SLC2A13: variants seen among roughly 807,000 people sequenced by gnomAD.
SLC2A13 encodes proton myo-inositol cotransporter.
A neutral mutation model predicts 64.4 loss-of-function variants in SLC2A13; 32 were observed. The ratio of observed to expected loss-of-function variants is 0.50; its 90% CI spans 0.37 to 0.67. The LOEUF (loss-of-function observed/expected upper bound fraction) is 0.67. Ranked by LOEUF, SLC2A13 falls within the 30% of genes least tolerant of loss-of-function variation. The pLI, the probability that SLC2A13 is intolerant of heterozygous loss-of-function variation, is 0.00. For synonymous variants in SLC2A13, 338 were observed against 327.1 expected, an observed-to-expected ratio of 1.03 and a Z score of -0.36; for missense variants, 743 against 829.2, an observed-to-expected ratio of 0.90 and a Z score of 1.28.
At chr12:39,824,580 G>C (rs1241772642) in intron 7 of SLC2A13, among the ~76,000 whole-genome samples, 1 of 152,174 alleles carries the variant, frequency 6.6e-6, no homozygotes, top group Non-Finnish European at 1.5e-5. Flanking sequence ...GTTTGTAAGA[G>C]TTGCATCTGT....
chr12:39,838,952 A>G (rs1252129264), intron 6 of SLC2A13, among the ~76,000 whole-genome samples: 5 of 152,090 alleles, frequency 3.3e-5, no homozygotes, highest in Admixed American at 6.6e-5. Flanking sequence ...CAGAAAATCA[A>G]TGGTGGCAAA....
intron 6 of SLC2A13, among the ~76,000 whole-genome samples, chr12:39,861,395 C>T (rs182730556): frequency 1.5e-4 from 23 of 152,188 alleles, no homozygotes; most frequent in Admixed American, 1.2e-3. Context: ...AAGATAAAAA[C>T]CCTAGGGCAA....
At chr12:40,085,411 G>A (rs1161085900) in intron 1 of SLC2A13, among the ~76,000 whole-genome samples, 2 of 152,152 alleles carry the variant, frequency 1.3e-5, no homozygotes, top group African/African-American at 2.4e-5. Flanking sequence ...GGTGGTGGCA[G>A]GTCTTGAGGA....
chr12:40,075,848 TAA>T (rs1267861550), intron 1 of SLC2A13, among the ~76,000 whole-genome samples: 1 of 152,184 alleles, frequency 6.6e-6, no homozygotes, highest in African/African-American at 2.4e-5. Flanking sequence ...TTATCTGTCT[TAA>T]GTTCACTCAC....
intron 3 of SLC2A13, among the ~76,000 whole-genome samples, chr12:40,021,813 T>C (rs1333732671): frequency 2.6e-5 from 4 of 152,224 alleles, no homozygotes. Flanking sequence ...GTGCAGCAGA[T>C]GTCAATTGCA....
intron 4 of SLC2A13, among the ~76,000 whole-genome samples, chr12:39,945,480 A>T (rs1946117485): frequency 6.6e-6 from 1 of 152,080 alleles, no homozygotes; most frequent in Non-Finnish European, 1.5e-5. Flanking sequence ...CTTCTCAGCT[A>T]TGCCGATTAT....
chr12:40,050,494 A>G (rs1948237845), intron 1 of SLC2A13, among the ~76,000 whole-genome samples: 1 of 152,214 alleles, frequency 6.6e-6, no homozygotes, highest in Non-Finnish European at 1.5e-5. Context: ...TTGGATTTGG[A>G]GTTGGAAAGA....
chr12:40,016,914 A>G (rs1947630661), intron 3 of SLC2A13, among the ~76,000 whole-genome samples: 1 of 152,230 alleles, frequency 6.6e-6, no homozygotes, highest in Non-Finnish European at 1.5e-5. Context: ...ATATACACAT[A>G]AATTCCAAAC....
At chr12:39,790,481 G>C (rs1056376532) in intron 7 of SLC2A13, among the ~76,000 whole-genome samples, 32 of 149,576 alleles carry the variant, frequency 2.1e-4, no homozygotes, top group Non-Finnish European at 4.4e-5. Flanking sequence ...TTGGTTTTTT[G>C]TTCTTGTGAT....
At chr12:39,971,858 C>T (rs2136130731) in intron 3 of SLC2A13, among the ~76,000 whole-genome samples, 1 of 150,826 alleles carries the variant, frequency 6.6e-6, no homozygotes, top group South Asian at 2.1e-4. Flanking sequence ...GCCTGTAATC[C>T]CAGCTACTCA....
chr12:39,777,171 G>A (rs760970299), intron 7 of SLC2A13, among the ~76,000 whole-genome samples: 1 of 152,004 alleles, frequency 6.6e-6, no homozygotes, highest in African/African-American at 2.4e-5. Context: ...CTTTCTTCCC[G>A]CTTCCTTTTA....
intron 7 of SLC2A13, 71 bp from the exon 8 acceptor site, chr12:39,764,929 T>C: frequency 1.3e-6 from 2 of 1,513,984 alleles, no homozygotes; most frequent in Non-Finnish European, 1.8e-6. Context: ...AATATGATCA[T>C]ATTTATGTAT....
intron 2 of SLC2A13, among the ~76,000 whole-genome samples, chr12:40,030,593 A>G (rs1190996506): frequency 6.6e-6 from 1 of 152,178 alleles, no homozygotes. Context: ...AGCAGATAAT[A>G]CTTCAAAAAG....
chr12:40,079,125 T>C (rs1381357292), intron 1 of SLC2A13, among the ~76,000 whole-genome samples: 1 of 152,208 alleles, frequency 6.6e-6, no homozygotes, highest in African/African-American at 2.4e-5. Context: ...GTGGTTTTTG[T>C]TCAGTTCAGC....
chr12:40,039,404 C>T (rs1242922829), intron 2 of SLC2A13, among the ~76,000 whole-genome samples: 9 of 152,154 alleles, frequency 5.9e-5, no homozygotes, highest in Non-Finnish European at 1.2e-4. Context: ...GCGATTATTA[C>T]CATAAATGGG....
At chr12:39,842,350 ACTTG>A (rs142679551) in intron 6 of SLC2A13, among the ~76,000 whole-genome samples, 1,721 of 152,184 alleles carry the variant, frequency 0.011, 32 homozygotes, top group African/African-American at 0.039. Context: ...AAGCTAAGAG[ACTTG>A]CTCATGTCTC....
intron 4 of SLC2A13, among the ~76,000 whole-genome samples, chr12:39,945,831 C>T (rs1946122498): frequency 6.6e-6 from 1 of 152,080 alleles, no homozygotes; most frequent in Non-Finnish European, 1.5e-5. Flanking sequence ...TAATAACTAA[C>T]CTCCTGAATT....
intron 7 of SLC2A13, among the ~76,000 whole-genome samples, chr12:39,789,273 G>A (rs896298795): frequency 1.3e-5 from 2 of 151,532 alleles, no homozygotes; most frequent in African/African-American, 2.4e-5. Context: ...CATATCACTT[G>A]GTTGTGCCTG....
At chr12:39,909,853 C>T (rs766176093) in intron 4 of SLC2A13, among the ~76,000 whole-genome samples, 2 of 149,118 alleles carry the variant, frequency 1.3e-5, no homozygotes, top group Non-Finnish European at 3.0e-5. Flanking sequence ...ACTCTTCTTA[C>T]AGTTTGTTTT....
Sources: allele counts gnomAD v4.1 joint callset (sites outside exome capture counted in the v4.1 genomes callset), GRCh38; gene constraint gnomAD v4.1.1; transcripts MANE v1.5; gene names NCBI Gene and HGNC (gene_info 2026-07-23, HGNC 2026-07-21).